The following PALM2AKAP2 variants were observed in gnomAD, a reference collection of about 807,000 sequenced individuals.
PALM2AKAP2 encodes PALM2 and AKAP2 fusion, also known as PALM2-AKAP2 fusion protein.
Under a neutral mutation model 71.5 loss-of-function variants are expected in PALM2AKAP2, and 37 were observed. The ratio of observed to expected loss-of-function variants is 0.52; its 90% CI spans 0.40 to 0.68. The LOEUF (loss-of-function observed/expected upper bound fraction) is 0.68, where lower values mean the gene tolerates loss of function less well. Among genes scored for constraint, PALM2AKAP2 ranks in the 30% least tolerant of loss-of-function variants. The pLI is 0.00. For synonymous variants in PALM2AKAP2, 468 were observed against 478.8 expected, an observed-to-expected ratio of 0.98 and a Z score of 0.29; for missense variants, 1,224 against 1,191.8, an observed-to-expected ratio of 1.03 and a Z score of -0.40.
At chr9:109,779,730 C>A (rs1829403213), upstream of PALM2AKAP2, among the ~76,000 whole-genome samples, 1 of 152,218 alleles carries the variant, frequency 6.6e-6, no homozygotes, top group Admixed American at 6.5e-5. Context: ...ACTTGGTCAT[C>A]TTAAGCATGT....
exon 2 of PALM2AKAP2, chr9:110,136,380 ATGT>A: frequency 6.2e-7 from 1 of 1,614,152 alleles, no homozygotes; most frequent in Non-Finnish European, 8.5e-7. Context: ...CTGGATAATG[ATGT>A]TGCCAGAGAG....
chr9:110,014,840 A>G (rs1169820210), intron 6 of PALM2AKAP2, among the ~76,000 whole-genome samples: 3 of 132,778 alleles, frequency 2.3e-5, no homozygotes, highest in East Asian at 2.1e-4. Context: ...ATATATATAT[A>G]TATATATATA....
chr9:110,030,050 G>A lies in PALM2AKAP2; in HGVS notation c.582+14011G>A, dbSNP rs1005316785. Among the ~76,000 whole-genome samples, 8 of 152,166 alleles carry A rather than the reference G, an allele frequency of 5.3e-5. No individual in the cohort carries two copies. In the East Asian group the frequency reaches 9.6e-4, roughly 18 times the overall value. ...CTTTCCCTTTGCCCTCTGAAATTTCGTTGAAAAATCAATTGACACTAGACA... is the reference window on the plus strand; with the variant it reads ...CTTTCCCTTTGCCCTCTGAAATTTCATTGAAAAATCAATTGACACTAGACA... On this transcript the variant is annotated intron_variant, in intron 7 of 9. Coordinates refer to the PALM2AKAP2 transcript ENST00000302798.
chr9:110,115,127 C>T (rs962584775), intron 1 of PALM2AKAP2, among the ~76,000 whole-genome samples: 1 of 152,160 alleles, frequency 6.6e-6, no homozygotes, highest in African/African-American at 2.4e-5. Context: ...AAACAGCTGA[C>T]CAGCCCTCAG....
intron 1 of PALM2AKAP2, among the ~76,000 whole-genome samples, chr9:110,089,754 G>T (rs547310099): frequency 6.6e-6 from 1 of 152,118 alleles, no homozygotes; most frequent in Non-Finnish European, 1.5e-5. Context: ...CTCTGTAAAG[G>T]TGCCTTTGTT....
intron 1 of PALM2AKAP2, among the ~76,000 whole-genome samples, chr9:109,736,266 G>T (rs569055164): frequency 6.6e-6 from 1 of 151,968 alleles, no homozygotes; most frequent in Non-Finnish European, 1.5e-5. Flanking sequence ...ATGCATGTAC[G>T]TATAAACACA....
At chr9:110,101,281 G>A (rs1342046418) in intron 1 of PALM2AKAP2, among the ~76,000 whole-genome samples, 1 of 152,078 alleles carries the variant, frequency 6.6e-6, no homozygotes, top group Non-Finnish European at 1.5e-5. Context: ...GGTTTGCTGT[G>A]TGTGTTTGGG....
In PALM2AKAP2 at chr9:109,998,784, G is replaced by GAAAAAAAT. The variant is rs1564252217; in HGVS notation, c.497-17170_497-17169insAAAAAAAT. Reference sequence around the variant, plus strand: ...TGTCGCAAAAAAAAAAAAAAAAAAGGGGGGATAGTCCATTCTAGCTGCCCA... The same window carrying GAAAAAAAT: ...TGTCGCAAAAAAAAAAAAAAAAAAGGAAAAAAATGGGGATAGTCCATTCTAGCTGCCCA... On this transcript the variant is annotated intron_variant, in intron 6 of 9. Coordinates refer to the PALM2AKAP2 transcript ENST00000302798. 7.8e-3 allele frequency among the ~76,000 whole-genome samples: 1,009 copies of GAAAAAAAT among 130,112 alleles called. 27 individuals carry two copies. Among genetic ancestry groups the GAAAAAAAT allele is most frequent in the African/African-American group, 0.028 (943 of 34,158 alleles). 85.4% of individuals were successfully genotyped at this position (130,112 alleles called of 152,430 possible). A position where few individuals can be genotyped will look rare whatever the true frequency, so the allele number is the denominator to read the frequency against.
intron 1 of PALM2AKAP2, among the ~76,000 whole-genome samples, chr9:109,719,701 A>G (rs1297422942): frequency 6.6e-6 from 1 of 152,196 alleles, no homozygotes; most frequent in East Asian, 1.9e-4. Context: ...ATACATAGAA[A>G]TCAGGGGTAA....
chr9:109,771,054 A>T (rs1474602038), intron 1 of PALM2AKAP2, among the ~76,000 whole-genome samples: 1 of 152,212 alleles, frequency 6.6e-6, no homozygotes, highest in African/African-American at 2.4e-5. Flanking sequence ...TCCCAACTTA[A>T]GTAGCTTCAT....
At chr9:109,807,428 A>C (rs1217947682) in intron 1 of PALM2AKAP2, among the ~76,000 whole-genome samples, 7 of 152,110 alleles carry the variant, frequency 4.6e-5, no homozygotes, top group Admixed American at 2.6e-4. Context: ...ATAGTTTTGG[A>C]GGCTTGGAAG....
At chr9:110,081,890 C>T (rs1297258201) in intron 1 of PALM2AKAP2, among the ~76,000 whole-genome samples, 1 of 152,066 alleles carries the variant, frequency 6.6e-6, no homozygotes, top group Non-Finnish European at 1.5e-5. Context: ...TCCAAACCTT[C>T]CTCACCATGC....
exon 2 of PALM2AKAP2, chr9:110,136,496 G>C: frequency 6.2e-7 from 1 of 1,614,080 alleles, no homozygotes; most frequent in Non-Finnish European, 8.5e-7. Flanking sequence ...AGTGGTTCTG[G>C]TGGGCGGCCT....
chr9:110,127,839 C>T (rs1835647927), intron 1 of PALM2AKAP2: 1 of 152,226 alleles, frequency 6.6e-6, no homozygotes, highest in African/African-American at 2.4e-5. Context: ...TGCTGCAGCA[C>T]TTCCTTCTCC....
In PALM2AKAP2 at chr9:109,901,334, C is replaced by G. The variant is rs148344076; in HGVS notation, c.257+20653C>G. 7.9e-5 allele frequency among the ~76,000 whole-genome samples: 12 copies of G among 152,316 alleles called. No individual in the cohort carries two copies. The East Asian group carries it at 2.3e-3, about 29-fold the overall frequency. The stretch of plus-strand genomic sequence containing the variant: ...AACAGCTGAGAGGGGCTTAGCTCCA[C>G]GTGGAGGTTGTCACTATCTCTGGTA... On this transcript the variant is annotated intron_variant, in intron 3 of 9. Transcript: ENST00000302798.
intron 1 of PALM2AKAP2, among the ~76,000 whole-genome samples, chr9:109,665,993 A>G (rs1305113548): frequency 6.6e-6 from 1 of 152,264 alleles, no homozygotes; most frequent in Non-Finnish European, 1.5e-5. Flanking sequence ...GGAGGTGCAC[A>G]GCCAGGTACG....
chr9:110,065,516 G>T (rs769440400), intron 1 of PALM2AKAP2, among the ~76,000 whole-genome samples: 1 of 152,162 alleles, frequency 6.6e-6, no homozygotes, highest in African/African-American at 2.4e-5. Context: ...GTGAGCCATC[G>T]TGCCTGCCCT....
chr9:109,879,700 T>C lies in PALM2AKAP2; in HGVS notation c.127-851T>C, dbSNP rs1003899080. ...ACACTTGCAAACATGGGATGTATGGTTTTTTTTTTTTTTTTTGACAGGGTC... is the reference window on the plus strand; with the variant it reads ...ACACTTGCAAACATGGGATGTATGGCTTTTTTTTTTTTTTTTGACAGGGTC... On this transcript the variant is annotated intron_variant, in intron 2 of 9. Coordinates refer to the PALM2AKAP2 transcript ENST00000302798. Among the ~76,000 whole-genome samples the C allele has an allele frequency of 1.8e-3, 37 of 20,754 alleles. No individual in the cohort carries two copies. The Admixed American group carries it at 0.019, about 11-fold the overall frequency. The allele number at this position is 20,754 out of a possible 152,430, so 13.6% of individuals were successfully genotyped here.
intron 3 of PALM2AKAP2, among the ~76,000 whole-genome samples, chr9:110,158,270 G>A (rs1410527908): frequency 6.6e-6 from 1 of 152,200 alleles, no homozygotes; most frequent in Non-Finnish European, 1.5e-5. Flanking sequence ...TAGGTGTCTG[G>A]TTTCTTTTCT....
Sources: allele counts gnomAD v4.1 joint callset (sites outside exome capture counted in the v4.1 genomes callset), GRCh38; gene constraint gnomAD v4.1.1; transcripts MANE v1.5; gene names NCBI Gene and HGNC (gene_info 2026-07-23, HGNC 2026-07-21).